The following EIF3J variants were observed in gnomAD, a reference collection of about 807,000 sequenced individuals.
EIF3J encodes eukaryotic translation initiation factor 3, subunit 1 (alpha, 35kD).
EIF3J carries 15 observed loss-of-function variants against 39.0 expected under a neutral mutation model. That is an observed-to-expected ratio of 0.38 (90% CI 0.26 to 0.59). The LOEUF is 0.59. Among genes scored for constraint, EIF3J ranks in the 20% least tolerant of loss-of-function variants. The pLI, the probability that EIF3J is intolerant of heterozygous loss-of-function variation, is 0.60. For synonymous variants in EIF3J, 98 were observed against 112.9 expected (o/e 0.87, Z 0.84); for missense variants, 226 against 308.6 (o/e 0.73, Z 2.00).
Position 44,558,471 on chromosome 15 carries a change from G to A in EIF3J, c.571+821G>A, listed in dbSNP as rs141982436. Among the ~76,000 whole-genome samples the A allele has an allele frequency of 5.8e-3, 882 of 151,784 alleles. 8 individuals are homozygous for A. Among genetic ancestry groups the A allele is most frequent in the African/African-American group, 0.021 (851 of 41,408 alleles). ...ATGAACCTGGGAGGCAAAGCTTGCAGTGAGCTGAGATCGTGCCACCGCACT... is the reference window on the plus strand; with the variant it reads ...ATGAACCTGGGAGGCAAAGCTTGCAATGAGCTGAGATCGTGCCACCGCACT... On this transcript the variant is annotated intron_variant, in intron 6 of 7. Coordinates refer to ENST00000261868, the MANE Select transcript of EIF3J (RefSeq NM_003758.4).
rs2412908 is a variant in EIF3J at position 44,556,317 on chromosome 15, A to G, written c.410-1172A>G. 3.9e-3 allele frequency among the ~76,000 whole-genome samples: 601 copies of G among 152,240 alleles called. 12 individuals carry two copies. Among genetic ancestry groups the G allele is most frequent in the East Asian group, 0.038 (196 of 5,176 alleles). ...TGTGGGGGTGTTCTTGGACAAGAAC[A>G]GAGTATCCCTTTTGTAATGTAATAT... On this transcript the variant is annotated intron_variant, in intron 5 of 7. Transcript: ENST00000261868.
chr15:44,550,700 C>A, intron 2 of EIF3J, 176 bp from the exon 3 acceptor site: 2 of 480,794 alleles, frequency 4.2e-6, no homozygotes, highest in South Asian at 3.9e-5. Flanking sequence ...AGTTCTTATT[C>A]TTGGTTAGGG....
At chr15:44,552,750 G>A (rs1226606586) in intron 4 of EIF3J, among the ~76,000 whole-genome samples, 2 of 152,000 alleles carry the variant, frequency 1.3e-5, no homozygotes, top group African/African-American at 2.4e-5. Flanking sequence ...AGTAGAGATG[G>A]CATTTCACCG....
rs560189131 is a variant in EIF3J at position 44,553,344 on chromosome 15, T to C, written c.295-1209T>C. 1.9e-3 allele frequency among the ~76,000 whole-genome samples: 291 copies of C among 150,922 alleles called. 1 individual carries two copies. Among genetic ancestry groups the C allele is most frequent in the African/African-American group, 6.7e-3 (275 of 41,148 alleles). ...CGTCTCTACTAAAAAATAGAAAAAT[T>C]AGACGGGCGTGGTGGCGGGCGCCTG... On this transcript the variant is annotated intron_variant, in intron 4 of 7. Transcript: ENST00000261868.
intron 2 of EIF3J, among the ~76,000 whole-genome samples, chr15:44,539,556 A>T (rs1356537781): frequency 1.3e-5 from 2 of 150,216 alleles, no homozygotes; most frequent in Non-Finnish European, 3.0e-5. Context: ...GCCCACCACC[A>T]CGCCCGGCTA....
Position 44,557,483 on chromosome 15 carries a change from C to A in EIF3J, c.410-6C>A. 1 of 1,502,950 alleles carries A rather than the reference C, an allele frequency of 6.7e-7. No homozygotes were observed. Among genetic ancestry groups the A allele is most frequent in the South Asian group, 1.4e-5 (1 of 70,956 alleles). The allele number at this position is 1,502,950 out of a possible 1,614,324, so 93.1% of individuals were successfully genotyped here. A position where few individuals can be genotyped will look rare whatever the true frequency, so the allele number is the denominator to read the frequency against. On this transcript the variant is annotated splice_region_variant and splice_polypyrimidine_tract_variant and intron_variant, in intron 5 of 7. Transcript: ENST00000261868. Reference sequence around the variant, plus strand: ...GATACTTTTCAGTGCTTCTTTTCTCCTACAGGTGTTAATAATGCAGTTTAT... The same window carrying A: ...GATACTTTTCAGTGCTTCTTTTCTCATACAGGTGTTAATAATGCAGTTTAT...
chr15:44,549,129 C>T (rs1193517204), intron 2 of EIF3J, among the ~76,000 whole-genome samples: 4 of 152,130 alleles, frequency 2.6e-5, no homozygotes, highest in South Asian at 2.1e-4. Flanking sequence ...CGAAGTGGCT[C>T]ATGCCTGTAC....
rs1025495615 is a variant in EIF3J, at chr15:44,562,319, CTAAT to C, written c.*1178_*1181del. The C allele has an allele frequency of 5.2e-5, 8 of 152,496 alleles. No homozygotes were observed. The highest frequency in any genetic ancestry group is 8.8e-5 in the Non-Finnish European group (6 of 68,006). The allele number at this position is 152,496 out of a possible 1,614,324, so 9.4% of individuals were successfully genotyped here. ...TATTTTGTTATTTAGATACCAAGGCCTAATTAATTAAGTACCTATAAGAACTATT... is the reference window on the plus strand; with the variant it reads ...TATTTTGTTATTTAGATACCAAGGCCTAATTAAGTACCTATAAGAACTATT... On this transcript the variant is annotated 3_prime_UTR_variant, in exon 8 of 8. Coordinates refer to ENST00000261868, the MANE Select transcript of EIF3J (RefSeq NM_003758.4).
intron 2 of EIF3J, among the ~76,000 whole-genome samples, chr15:44,537,930 T>C (rs553683603): frequency 2.0e-5 from 3 of 152,238 alleles, no homozygotes; most frequent in Admixed American, 2.0e-4. Flanking sequence ...AACCTTTTTT[T>C]CCCACACGAG....
intron 2 of EIF3J, among the ~76,000 whole-genome samples, chr15:44,550,322 T>C (rs1363532682): frequency 2.0e-5 from 3 of 152,178 alleles, no homozygotes; most frequent in Non-Finnish European, 4.4e-5. Flanking sequence ...GTTTTTATGA[T>C]AGTGAGTTGC....
chr15:44,546,695 G>A (rs2082055279), intron 2 of EIF3J, among the ~76,000 whole-genome samples: 1 of 151,542 alleles, frequency 6.6e-6, no homozygotes, highest in South Asian at 2.1e-4. Flanking sequence ...ATAGGGCTGT[G>A]TCTGTCCCTA....
chr15:44,537,208 C>T lies in EIF3J; in HGVS notation c.14C>T (p.Ala5Val). Residue 5 changes from alanine (A) to valine (V), a missense_variant, in exon 1 of 8, where the codon GCG becomes GTG. Ala to Val is a moderately conservative substitution (Grantham distance 64). This residue lies in a region of EIF3J where 143 missense variants were observed against 156.0 expected (regional missense o/e 0.92). Transcript: ENST00000261868. MAAA[A>V]AAAGDSDSWD... Reference sequence around the variant, plus strand: ...ACCCGGCTCGAGATGGCGGCGGCGGCGGCGGCGGCGGGGGACTCGGACTCC... The same window carrying T: ...ACCCGGCTCGAGATGGCGGCGGCGGTGGCGGCGGCGGGGGACTCGGACTCC... 1 of 1,605,320 alleles carries T rather than the reference C, an allele frequency of 6.2e-7. No individual in the cohort carries two copies. Among genetic ancestry groups the T allele is most frequent in the South Asian group, 1.1e-5 (1 of 90,316 alleles).
In EIF3J at chr15:44,551,522, G is replaced by A; in HGVS notation, c.294G>A (p.Arg98=). ...QKKRQEEIKK[R]LEEPEEPKVL... ...AAAGGCAAGAAGAAATTAAAAAGAG[G>A]GTAAATTCTGTTTTCTAAAATACAG... Residue 98 remains arginine (R), a splice_region_variant and synonymous_variant, in exon 4 of 8, where the codon AGG becomes AGA. Transcript: ENST00000261868. 6.3e-7 allele frequency: 1 copy of A among 1,580,148 alleles called. No individual in the cohort carries two copies. The highest frequency in any genetic ancestry group is 8.6e-7 in the Non-Finnish European group (1 of 1,164,014).
At chr15:44,543,792 T>C (rs1299506351) in intron 2 of EIF3J, among the ~76,000 whole-genome samples, 1 of 152,050 alleles carries the variant, frequency 6.6e-6, no homozygotes, top group Admixed American at 6.6e-5. Context: ...TCTGCATTGA[T>C]GTGTGTCTGG....
intron 2 of EIF3J, among the ~76,000 whole-genome samples, chr15:44,545,896 C>T (rs1479892673): frequency 5.3e-5 from 8 of 152,166 alleles, no homozygotes; most frequent in African/African-American, 1.9e-4. Context: ...ATGTCTGGGC[C>T]TGGGTTTCCT....
At chr15:44,559,439 G>A (rs769772846) in intron 6 of EIF3J, among the ~76,000 whole-genome samples, 3 of 151,266 alleles carry the variant, frequency 2.0e-5, no homozygotes, top group Non-Finnish European at 2.9e-5. Flanking sequence ...GGCCGGGTGC[G>A]GTGGCTCACA....
intron 3 of EIF3J, 68 bp downstream of exon 3, chr15:44,550,998 C>A: frequency 6.5e-7 from 1 of 1,542,174 alleles, no homozygotes; most frequent in Non-Finnish European, 8.7e-7. Context: ...TGTATTAAGA[C>A]AAATGACAGA....
rs368729572 is a variant in EIF3J at position 44,537,159 on chromosome 15, G to T, written c.-36G>T. 1.9e-5 allele frequency: 31 copies of T among 1,613,170 alleles called. No individual in the cohort carries two copies. The African/African-American group carries it at 2.8e-4, about 15-fold the overall frequency. Reference sequence around the variant, plus strand: ...CCTCCGCCGTGCTAACTCCTCGCTAGCTCTCCCTCTCACACACGCTCACAC... The same window carrying T: ...CCTCCGCCGTGCTAACTCCTCGCTATCTCTCCCTCTCACACACGCTCACAC... On this transcript the variant is annotated 5_prime_UTR_variant, in exon 1 of 8. Transcript: ENST00000261868.
At chr15:44,553,023 A>T (rs1362778221) in intron 4 of EIF3J, among the ~76,000 whole-genome samples, 1 of 151,554 alleles carries the variant, frequency 6.6e-6, no homozygotes, top group African/African-American at 2.4e-5. Context: ...CCGTCTCTAC[A>T]AAAAATAGAA....
Sources: gnomAD v4.1 joint callset for allele counts (sites outside exome capture counted in the v4.1 genomes callset) on GRCh38, gnomAD v4.1.1 for gene constraint, gnomAD v4.1.1 regional missense constraint, MANE v1.5 for transcripts, NCBI Gene and HGNC (gene_info 2026-07-23, HGNC 2026-07-21) for gene names.